Variants in PDS5B observed in about 807,000 individuals in gnomAD.
PDS5B encodes PDS5 cohesin associated factor B.
A neutral mutation model predicts 184.1 loss-of-function variants in PDS5B; 51 were observed. The ratio of observed to expected loss-of-function variants is 0.28; its 90% CI spans 0.22 to 0.35. PDS5B has a LOEUF of 0.35. PDS5B is among the 10% of genes least tolerant of loss of function. PDS5B has a pLI of 1.00. For missense variants in PDS5B, 1,180 were observed against 1,723.3 expected, an observed-to-expected ratio of 0.68 and a Z score of 5.58; for synonymous variants, 566 against 569.2, an observed-to-expected ratio of 0.99 and a Z score of 0.08.
At chr13:32,769,249 G>C (rs892166564) in intron 31 of PDS5B, among the ~76,000 whole-genome samples, 3 of 152,128 alleles carry the variant, frequency 2.0e-5, no homozygotes, top group Non-Finnish European at 4.4e-5. Context: ...AGTTGACAAA[G>C]GACACAATAC....
At chr13:32,774,686 A>T (rs956168628) in intron 34 of PDS5B, among the ~76,000 whole-genome samples, 1 of 152,242 alleles carries the variant, frequency 6.6e-6, no homozygotes, top group East Asian at 1.9e-4. Context: ...CACAGGAAAC[A>T]TAAGTAGAAA....
At chr13:32,702,298 G>A (rs561079612) in intron 17 of PDS5B, among the ~76,000 whole-genome samples, 1 of 152,112 alleles carries the variant, frequency 6.6e-6, no homozygotes, top group Admixed American at 6.5e-5. Context: ...GACTCCTCTT[G>A]TATCGGTTTT....
intron 19 of PDS5B, among the ~76,000 whole-genome samples, chr13:32,717,381 G>A (rs1952491772): frequency 1.3e-5 from 2 of 149,522 alleles, no homozygotes; most frequent in African/African-American, 4.9e-5. Flanking sequence ...CTGTTGATCT[G>A]TGACCTTACC....
rs191775697 is a variant in PDS5B at position 32,683,431 on chromosome 13, C to T, written c.1058-447C>T. ...TCCCTACTGGGTTCAAGTGATTCTC[C>T]TGTCTCAGCCTCCCAAGTAGCTGGG... On this transcript the variant is annotated intron_variant, in intron 10 of 34. Coordinates refer to ENST00000315596, the MANE Select transcript of PDS5B (RefSeq NM_015032.4). Among the ~76,000 whole-genome samples the T allele has an allele frequency of 1.1e-3, 171 of 151,862 alleles. 1 individual carries two copies. Among genetic ancestry groups the T allele is most frequent in the African/African-American group, 4.0e-3 (164 of 41,352 alleles).
chr13:32,677,504 T>C (rs930487239), intron 9 of PDS5B, among the ~76,000 whole-genome samples: 3 of 152,070 alleles, frequency 2.0e-5, no homozygotes, highest in African/African-American at 7.2e-5. Flanking sequence ...GTTAGTCTTT[T>C]AAAAGACGTC....
chr13:32,630,721 C>T (rs909568056), intron 1 of PDS5B, among the ~76,000 whole-genome samples: 1 of 152,076 alleles, frequency 6.6e-6, no homozygotes, highest in African/African-American at 2.4e-5. Flanking sequence ...TTTCAGGTTT[C>T]CACTCAAATG....
chr13:32,616,684 C>T (rs1000830841), intron 1 of PDS5B, among the ~76,000 whole-genome samples: 1 of 152,058 alleles, frequency 6.6e-6, no homozygotes, highest in Non-Finnish European at 1.5e-5. Flanking sequence ...CCTTCTCTAC[C>T]TTGGGATTAT....
chr13:32,665,819 A>T (rs1052688297), intron 6 of PDS5B, among the ~76,000 whole-genome samples: 1 of 152,126 alleles, frequency 6.6e-6, no homozygotes, highest in African/African-American at 2.4e-5. Flanking sequence ...ATGGAATATT[A>T]TTCCAGCCAT....
rs113024952 is a variant in PDS5B at position 32,609,900 on chromosome 13, GAA to G, written c.-20+23318_-20+23319del. ...AATTGTGGGGATGGGAAGAAAAAAA[GAA>G]AAAAAAAAAACAAAAAAATGAGAAC... On this transcript the variant is annotated intron_variant, in intron 1 of 34. Coordinates refer to ENST00000315596, the MANE Select transcript of PDS5B (RefSeq NM_015032.4). 8.8e-3 allele frequency among the ~76,000 whole-genome samples: 1,159 copies of G among 132,262 alleles called. 12 individuals are homozygous for G. The highest frequency in any genetic ancestry group is 0.029 in the African/African-American group (1,018 of 35,514). The allele number at this position is 132,262 out of a possible 152,430, so 86.8% of individuals were successfully genotyped here.
At chr13:32,769,807 TATA>T (rs1954716832) in intron 31 of PDS5B, among the ~76,000 whole-genome samples, 1 of 152,186 alleles carries the variant, frequency 6.6e-6, no homozygotes, top group African/African-American at 2.4e-5. Flanking sequence ...GCACTGAATT[TATA>T]ATGCTCTTTT....
At chr13:32,675,333 C>G (rs962695868) in intron 8 of PDS5B, among the ~76,000 whole-genome samples, 10 of 152,150 alleles carry the variant, frequency 6.6e-5, no homozygotes, top group Non-Finnish European at 1.3e-4. Flanking sequence ...TTTAAGGCCT[C>G]TTTTTACTGT....
chr13:32,739,268 G>A (rs1042491124), intron 21 of PDS5B, among the ~76,000 whole-genome samples: 23 of 151,852 alleles, frequency 1.5e-4, no homozygotes, highest in Non-Finnish European at 1.3e-4. Context: ...CCATCTCCTG[G>A]TAATCTGCAG....
chr13:32,748,671 T>C (rs1246326607), intron 24 of PDS5B, among the ~76,000 whole-genome samples: 1 of 152,182 alleles, frequency 6.6e-6, no homozygotes, highest in African/African-American at 2.4e-5. Context: ...TACTGAGAGT[T>C]ATAATATTTC....
intron 7 of PDS5B, among the ~76,000 whole-genome samples, chr13:32,668,207 A>G (rs1950850801): frequency 6.6e-6 from 1 of 152,150 alleles, no homozygotes; most frequent in South Asian, 2.1e-4. Flanking sequence ...AGGTTTTTGG[A>G]GCTTAAATTG....
chr13:32,664,242 A>G (rs1950726213), intron 6 of PDS5B, among the ~76,000 whole-genome samples: 1 of 152,200 alleles, frequency 6.6e-6, no homozygotes, highest in Admixed American at 6.5e-5. Context: ...AAGAAACTGA[A>G]CTGAAATATG....
chr13:32,732,295 G>A (rs1234213729), intron 20 of PDS5B, 71 bp downstream of exon 20: 4 of 1,103,592 alleles, frequency 3.6e-6, no homozygotes, highest in Non-Finnish European at 5.4e-6. Context: ...TGATTTTATG[G>A]AATGTTCACA....
At chr13:32,613,234 C>G (rs2058168765) in intron 1 of PDS5B, among the ~76,000 whole-genome samples, 1 of 152,094 alleles carries the variant, frequency 6.6e-6, no homozygotes, top group Non-Finnish European at 1.5e-5. Context: ...CATATATGTT[C>G]TTTCTCTTGG....
intron 21 of PDS5B, 100 bp from the exon 22 acceptor site, chr13:32,740,980 G>T: frequency 1.4e-6 from 1 of 693,162 alleles, no homozygotes; most frequent in South Asian, 1.8e-5. Flanking sequence ...TGTCACTGCA[G>T]AAGGTACAGA....
intron 21 of PDS5B, among the ~76,000 whole-genome samples, chr13:32,738,679 T>G (rs547827985): frequency 6.6e-6 from 1 of 152,310 alleles, no homozygotes; most frequent in African/African-American, 2.4e-5. Flanking sequence ...TATTCCTTTT[T>G]TTTTCTTTTT....
Sources: allele counts gnomAD v4.1 joint callset (sites outside exome capture counted in the v4.1 genomes callset), GRCh38; gene constraint gnomAD v4.1.1; transcripts MANE v1.5; gene names NCBI Gene and HGNC (gene_info 2026-07-23, HGNC 2026-07-21).